Variants in UBTD2 observed in about 807,000 individuals in gnomAD.
UBTD2 encodes ubiquitin domain containing 2.
Under a neutral mutation model 19.8 loss-of-function variants are expected in UBTD2, and 9 were observed. That is an observed-to-expected ratio of 0.46 (90% CI 0.27 to 0.79). The LOEUF (loss-of-function observed/expected upper bound fraction) is 0.79. Among genes scored for constraint, UBTD2 ranks in the 30% least tolerant of loss-of-function variants. The pLI is 0.14. For missense variants in UBTD2, 250 were observed against 300.4 expected (o/e 0.83, Z 1.24); for synonymous variants, 98 against 103.9 (o/e 0.94, Z 0.35).
chr5:172,224,110 G>A (rs1310987647), intron 2 of UBTD2, among the ~76,000 whole-genome samples: 2 of 152,116 alleles, frequency 1.3e-5, no homozygotes, highest in East Asian at 3.9e-4. Context: ...TGAAAAAAAT[G>A]AGGCAACAGA....
chr5:172,280,695 C>T (rs1426350889), intron 1 of UBTD2, among the ~76,000 whole-genome samples: 2 of 152,054 alleles, frequency 1.3e-5, no homozygotes, highest in African/African-American at 4.8e-5. Context: ...TTGAAAAAAG[C>T]CTAAGTAGCT....
chr5:172,281,707 G>A (rs965925601), intron 1 of UBTD2, among the ~76,000 whole-genome samples: 2 of 151,974 alleles, frequency 1.3e-5, no homozygotes, highest in Admixed American at 6.6e-5. Context: ...TAATTATCAT[G>A]ACAATAATGG....
chr5:172,239,985 GGCT>G (rs1246451554), intron 1 of UBTD2, among the ~76,000 whole-genome samples: 2 of 152,134 alleles, frequency 1.3e-5, no homozygotes, highest in African/African-American at 2.4e-5. Flanking sequence ...TGTCTTACTG[GGCT>G]GCTTATTTTC....
intron 1 of UBTD2, 92 bp from the exon 2 acceptor site, chr5:172,234,450 AT>A: frequency 1.8e-6 from 2 of 1,119,204 alleles, no homozygotes; most frequent in Non-Finnish European, 2.6e-6. Context: ...GGATTATTTC[AT>A]CAAAATCACA....
Position 172,283,090 on chromosome 5 carries a change from A to G in UBTD2, c.70+506T>C, listed in dbSNP as rs1012619786. 6.6e-6 allele frequency among the ~76,000 whole-genome samples: 1 copy of G among 152,122 alleles called. No homozygotes were observed. Among genetic ancestry groups the G allele is most frequent in the Non-Finnish European group, 1.5e-5 (1 of 68,034 alleles). ...GAGCTCCAGAAACTCGCAGGTTTAA[A>G]TGGCCAATCTGGAACCAACCGGGGC... On this transcript the variant is annotated intron_variant, in intron 1 of 2. Coordinates refer to ENST00000393792, the MANE Select transcript of UBTD2 (RefSeq NM_152277.3). The surrounding 1 kb of genome is among the most constrained non-coding windows in gnomAD (Gnocchi z 4.3).
At chr5:172,272,818 C>T (rs536538866) in intron 1 of UBTD2, among the ~76,000 whole-genome samples, 59 of 152,278 alleles carry the variant, frequency 3.9e-4, no homozygotes, top group Admixed American at 3.1e-3. Flanking sequence ...CGGTCGCTCA[C>T]GCCTGTAATC....
intron 2 of UBTD2, among the ~76,000 whole-genome samples, chr5:172,217,862 A>C (rs1470958033): frequency 1.3e-5 from 2 of 152,222 alleles, no homozygotes; most frequent in Non-Finnish European, 2.9e-5. Context: ...ACAGAACTAC[A>C]AGGAGAAAGA....
intron 2 of UBTD2, among the ~76,000 whole-genome samples, chr5:172,227,260 T>C (rs576652806): frequency 6.6e-6 from 1 of 152,250 alleles, no homozygotes; most frequent in East Asian, 1.9e-4. Context: ...CCTTTATTGC[T>C]CTAATTGAAG....
At chr5:172,250,638 T>C (rs1027300620) in intron 1 of UBTD2, among the ~76,000 whole-genome samples, 1 of 152,096 alleles carries the variant, frequency 6.6e-6, no homozygotes, top group Non-Finnish European at 1.5e-5. Flanking sequence ...TAATAGTGAA[T>C]TGTGAATAAG....
At chr5:172,218,662 G>C (rs1033083255) in intron 2 of UBTD2, among the ~76,000 whole-genome samples, 12 of 151,260 alleles carry the variant, frequency 7.9e-5, no homozygotes, top group African/African-American at 2.7e-4. Flanking sequence ...GTACATGCCT[G>C]TAGTCCCAGC....
intron 1 of UBTD2, chr5:172,255,013 G>A: frequency 1.8e-6 from 1 of 555,560 alleles, no homozygotes; most frequent in Non-Finnish European, 3.6e-6. Flanking sequence ...TGACCAGCAA[G>A]ATCCCCAGGC....
chr5:172,233,592 A>C (rs1479846186), intron 2 of UBTD2, among the ~76,000 whole-genome samples: 1 of 152,174 alleles, frequency 6.6e-6, no homozygotes, highest in Non-Finnish European at 1.5e-5. Context: ...AATCATGGAA[A>C]ACTGTCCTTA....
intron 1 of UBTD2, among the ~76,000 whole-genome samples, chr5:172,240,869 G>A (rs1222595909): frequency 6.6e-6 from 1 of 152,046 alleles, no homozygotes; most frequent in Non-Finnish European, 1.5e-5. Flanking sequence ...ACAGATCAAT[G>A]TGGCCAAGGA....
At chr5:172,222,515 G>T (rs1561850390) in intron 2 of UBTD2, among the ~76,000 whole-genome samples, 1 of 152,162 alleles carries the variant, frequency 6.6e-6, no homozygotes, top group Non-Finnish European at 1.5e-5. Flanking sequence ...ACCCATCACA[G>T]ATTTTAGTAC....
chr5:172,211,776 C>A lies in UBTD2; in HGVS notation c.*54G>T. On this transcript the variant is annotated 3_prime_UTR_variant, in exon 3 of 3. Coordinates refer to ENST00000393792, the MANE Select transcript of UBTD2 (RefSeq NM_152277.3). ...CACGCCGCAGAGTAGGAAATGACAA[C>A]AAGAACCATAAAAAGGAGCAGAGGG... The A allele has an allele frequency of 6.6e-7, 1 of 1,513,208 alleles. No individual in the cohort carries two copies. Among genetic ancestry groups the A allele is most frequent in the Non-Finnish European group, 8.8e-7 (1 of 1,130,086 alleles). The allele number at this position is 1,513,208 out of a possible 1,614,324, so 93.7% of individuals were successfully genotyped here. A position where few individuals can be genotyped will look rare whatever the true frequency, so the allele number is the denominator to read the frequency against.
chr5:172,277,588 C>A (rs961778035), intron 1 of UBTD2, among the ~76,000 whole-genome samples: 1 of 151,796 alleles, frequency 6.6e-6, no homozygotes, highest in Non-Finnish European at 1.5e-5. Flanking sequence ...CACCTGTGGT[C>A]CCAGTTACTC....
intron 2 of UBTD2, among the ~76,000 whole-genome samples, chr5:172,232,487 A>T (rs1339905770): frequency 1.3e-5 from 2 of 151,902 alleles, no homozygotes; most frequent in Admixed American, 6.6e-5. Context: ...AGGCAGCTAT[A>T]AAAAAAAGGA....
At chr5:172,214,793 A>C (rs1438407713) in intron 2 of UBTD2, among the ~76,000 whole-genome samples, 1 of 152,200 alleles carries the variant, frequency 6.6e-6, no homozygotes, top group African/African-American at 2.4e-5. Flanking sequence ...CAAAATTATA[A>C]TCTGAGTTGT....
At chr5:172,273,365 T>C (rs969945740) in intron 1 of UBTD2, among the ~76,000 whole-genome samples, 2 of 151,740 alleles carry the variant, frequency 1.3e-5, no homozygotes, top group African/African-American at 4.8e-5. Context: ...CCAAGGCGGG[T>C]GGATCACCTG....
Sources: gnomAD v4.1 joint callset for allele counts (sites outside exome capture counted in the v4.1 genomes callset) on GRCh38, gnomAD v4.1.1 for gene constraint, Gnocchi (gnomAD v3.1) non-coding constraint, MANE v1.5 for transcripts, NCBI Gene and HGNC (gene_info 2026-07-23, HGNC 2026-07-21) for gene names.